ATP6V1E2: variants seen among roughly 807,000 people sequenced by gnomAD.
ATP6V1E2 encodes the protein ATPase H+ transporting V1 subunit E2, also known as V-type proton ATPase subunit E 2.
For missense variants in ATP6V1E2, 308 were observed against 273.3 expected (o/e 1.13, Z -0.90); for synonymous variants, 121 against 104.2 (o/e 1.16, Z -0.98).
chr2:46,513,700 C>G (rs1243416024), intron 4 of ATP6V1E2, among the ~76,000 whole-genome samples: 2 of 152,052 alleles, frequency 1.3e-5, no homozygotes, highest in South Asian at 2.1e-4. Context: ...TGGCACGTGT[C>G]TGTAGTCCCA....
chr2:46,532,786 T>C (rs1667245377), intron 4 of ATP6V1E2, among the ~76,000 whole-genome samples: 1 of 152,210 alleles, frequency 6.6e-6, no homozygotes, highest in African/African-American at 2.4e-5. Flanking sequence ...TCCTTGATCT[T>C]AGACTTCCCA....
intron 4 of ATP6V1E2, among the ~76,000 whole-genome samples, chr2:46,515,342 T>C (rs1439659819): frequency 6.6e-6 from 1 of 152,160 alleles, no homozygotes; most frequent in Non-Finnish European, 1.5e-5. Context: ...ATACATAATG[T>C]AAAAAGATGC....
intron 4 of ATP6V1E2, among the ~76,000 whole-genome samples, chr2:46,515,287 G>T (rs770922822): frequency 6.6e-6 from 1 of 152,092 alleles, no homozygotes; most frequent in Non-Finnish European, 1.5e-5. Flanking sequence ...AAGTTAAAAG[G>T]CAAAAGTATA....
At chr2:46,517,843 A>T (rs535448481) in intron 4 of ATP6V1E2, among the ~76,000 whole-genome samples, 2 of 152,336 alleles carry the variant, frequency 1.3e-5, no homozygotes, top group South Asian at 4.1e-4. Flanking sequence ...AAGAAGAAAG[A>T]AAAAGAAAAT....
intron 4 of ATP6V1E2, among the ~76,000 whole-genome samples, chr2:46,517,920 T>C (rs1666364950): frequency 6.6e-6 from 1 of 152,200 alleles, no homozygotes; most frequent in Non-Finnish European, 1.5e-5. Flanking sequence ...GAATGTAAAA[T>C]GATGCAGCTG....
At chr2:46,521,293 G>A (rs1401132992) in intron 4 of ATP6V1E2, among the ~76,000 whole-genome samples, 1 of 152,202 alleles carries the variant, frequency 6.6e-6, no homozygotes, top group Non-Finnish European at 1.5e-5. Context: ...GTATCTTGGG[G>A]AAGTACCAAA....
At position 46,512,225 on chromosome 2, in the gene ATP6V1E2, C is replaced by T. The variant is rs764240541; in HGVS notation, c.487G>A (p.Val163Met). The change falls in exon 5 of 5, where the codon GTG becomes ATG. Residue 163 changes from valine (V) to methionine (M), a missense_variant. Coordinates refer to ENST00000522587, the MANE Select transcript of ATP6V1E2 (RefSeq NM_001318063.2). Reference protein sequence around the residue: ...PEYMTISQKHVEVQIDKEAYL... With the variant: ...PEYMTISQKHMEVQIDKEAYL... ...GCCTCTTTATCAATCTGGACCTCCA[C>T]ATGTTTCTGGGAAATTGTCATGTAC... 7.4e-6 allele frequency: 12 copies of T among 1,613,992 alleles called. No homozygotes were observed. The highest frequency in any genetic ancestry group is 1.3e-5 in the African/African-American group (1 of 74,916).
rs1005881788 is a variant in ATP6V1E2, at chr2:46,542,377, CT to C, written c.-535del. On this transcript the variant is annotated 5_prime_UTR_variant, in exon 1 of 5. An upstream open reading frame in the 5' UTR gains an earlier in-frame stop. Coordinates refer to ENST00000522587, the MANE Select transcript of ATP6V1E2 (RefSeq NM_001318063.2). ...GTGGTTCCCCGAGAGGCCTCCACGT[CT>C]TCTCCCAGCATCGGGGCCTTTGGAC... The C allele has an allele frequency of 4.0e-5, 6 of 151,656 alleles. No individual in the cohort carries two copies. The highest frequency in any genetic ancestry group is 1.4e-4 in the African/African-American group (6 of 41,402). The allele number at this position is 151,656 out of a possible 1,614,324, so 9.4% of individuals were successfully genotyped here. A position where few individuals can be genotyped will look rare whatever the true frequency, so the allele number is the denominator to read the frequency against.
chr2:46,534,824 C>A (rs1185055700), intron 4 of ATP6V1E2: 1 of 152,194 alleles, frequency 6.6e-6, no homozygotes. Flanking sequence ...GGTTTCTTCA[C>A]ATTGGCGAGT....
intron 4 of ATP6V1E2, among the ~76,000 whole-genome samples, chr2:46,515,805 GAC>G (rs1166421567): frequency 6.6e-6 from 1 of 152,104 alleles, no homozygotes; most frequent in Non-Finnish European, 1.5e-5. Context: ...AGAAATTAAG[GAC>G]ACACACAGGC....
intron 4 of ATP6V1E2, among the ~76,000 whole-genome samples, chr2:46,522,556 G>C (rs1004330828): frequency 6.6e-6 from 1 of 152,144 alleles, no homozygotes; most frequent in Non-Finnish European, 1.5e-5. Flanking sequence ...CCATGCCCCT[G>C]TAAAGGATAT....
At chr2:46,518,774 G>GTGTGTT (rs1666443746) in intron 4 of ATP6V1E2, among the ~76,000 whole-genome samples, 1 of 35,568 alleles carries the variant, frequency 2.8e-5, no homozygotes, top group Non-Finnish European at 5.9e-5. Context: ...GTGTGTGTGT[G>GTGTGTT]TGTGTGTGTG....
chr2:46,521,219 G>C (rs1008356927), intron 4 of ATP6V1E2, among the ~76,000 whole-genome samples: 2 of 152,196 alleles, frequency 1.3e-5, no homozygotes, highest in African/African-American at 4.8e-5. Flanking sequence ...GCCTGGGAAG[G>C]ATCTTTAGAG....
chr2:46,512,483 T>C lies in ATP6V1E2; in HGVS notation c.229A>G (p.Asn77Asp), dbSNP rs1180050749. The C allele has an allele frequency of 6.2e-7, 1 of 1,614,220 alleles. No homozygotes were observed. Among genetic ancestry groups the C allele is most frequent in the Non-Finnish European group, 8.5e-7 (1 of 1,180,036 alleles). Residue 77 changes from asparagine to aspartate, a missense_variant, in exon 5 of 5, where the codon AAT (asparagine) becomes GAT (aspartate). Transcript: ENST00000522587. The stretch of plus-strand genomic sequence containing the variant: ...CTCAGGACTTTCAGCCTCGCCTGAT[T>C]CCTCATGGTGGACATCAGGATTTTC... Reference protein sequence around the residue: ...QKKILMSTMRNQARLKVLRAR... With the variant: ...QKKILMSTMRDQARLKVLRAR...
At chr2:46,542,195 A>ATT (rs34450819) in intron 1 of ATP6V1E2, 22 bp downstream of exon 1, 26,824 of 140,920 alleles carry the variant, frequency 0.19, 3,026 homozygotes, top group Admixed American at 0.27. Flanking sequence ...CGCGCCTTAA[A>ATT]TTTTTTTTTT....
At chr2:46,514,653 G>C (rs892435929) in intron 4 of ATP6V1E2, among the ~76,000 whole-genome samples, 2 of 152,092 alleles carry the variant, frequency 1.3e-5, no homozygotes, top group Non-Finnish European at 2.9e-5. Context: ...AAGCCTAAGA[G>C]ACTTACAGGA....
intron 4 of ATP6V1E2, chr2:46,527,872 G>C (rs1667000097): frequency 6.6e-6 from 1 of 152,176 alleles, no homozygotes; most frequent in African/African-American, 2.4e-5. Flanking sequence ...TTTAAAATCA[G>C]GTTGTTTGTT....
At position 46,520,605 on chromosome 2, in the gene ATP6V1E2, C is replaced by T. The variant is rs1192819878; in HGVS notation, c.-101-7793G>A. 2.6e-5 allele frequency among the ~76,000 whole-genome samples: 4 copies of T among 152,198 alleles called. No individual in the cohort carries two copies. The East Asian group carries it at 7.7e-4, about 29-fold the overall frequency. ...TTCCCTCCACTTAATAAATCCTGCC[C>T]ATATATTCAGGCCCAGTTTAAGCCC... On this transcript the variant is annotated intron_variant, in intron 4 of 4. Coordinates refer to ENST00000522587, the MANE Select transcript of ATP6V1E2 (RefSeq NM_001318063.2).
intron 4 of ATP6V1E2, among the ~76,000 whole-genome samples, chr2:46,518,038 A>G (rs1451256916): frequency 6.6e-6 from 1 of 152,218 alleles, no homozygotes; most frequent in Non-Finnish European, 1.5e-5. Flanking sequence ...TCTTGAAGAA[A>G]TGTTTGCACA....
Sources: allele counts gnomAD v4.1 joint callset (sites outside exome capture counted in the v4.1 genomes callset), GRCh38; gene constraint gnomAD v4.1.1; transcripts MANE v1.5; gene names NCBI Gene and HGNC (gene_info 2026-07-23, HGNC 2026-07-21).